GSE1: variants seen among roughly 807,000 people sequenced by gnomAD.
The protein encoded by GSE1 is Gse1 coiled-coil protein, also known as genetic suppressor element 1.
Under a neutral mutation model 112.6 loss-of-function variants are expected in GSE1, and 32 were observed. The ratio of observed to expected loss-of-function variants is 0.28; its 90% CI spans 0.21 to 0.38. The LOEUF (loss-of-function observed/expected upper bound fraction) is 0.38, where lower values mean the gene tolerates loss of function less well. GSE1 is among the 10% of genes least tolerant of loss of function. GSE1 has a pLI of 1.00. For missense variants in GSE1, 2,348 were observed against 1,699.2 expected (o/e 1.38, Z -6.71); for synonymous variants, 1,115 against 735.6 (o/e 1.52, Z -8.35).
At chr16:85,557,209 C>A (rs2045274127) in intron 1 of GSE1, among the ~76,000 whole-genome samples, 1 of 152,218 alleles carries the variant, frequency 6.6e-6, no homozygotes, top group Admixed American at 6.5e-5. Context: ...CGCGCGCCGT[C>A]ACCCCCACTC....
chr16:85,496,649 G>C (rs2051188301), intron 2 of GSE1, among the ~76,000 whole-genome samples: 1 of 152,230 alleles, frequency 6.6e-6, no homozygotes, highest in African/African-American at 2.4e-5. Context: ...GGACCATGCT[G>C]TCACGACATA....
chr16:85,503,123 G>A (rs1007117502), intron 2 of GSE1, among the ~76,000 whole-genome samples: 1 of 152,240 alleles, frequency 6.6e-6, no homozygotes, highest in African/African-American at 2.4e-5. Flanking sequence ...AAGGCCCTGA[G>A]GTCTGAGCTC....
intron 1 of GSE1, among the ~76,000 whole-genome samples, chr16:85,249,900 C>G (rs1325990069): frequency 1.3e-5 from 2 of 152,268 alleles, no homozygotes; most frequent in East Asian, 3.8e-4. Flanking sequence ...GCTGCAGAAG[C>G]TGGTGATGCG....
At chr16:85,172,822 G>T (rs1186134960) in intron 1 of GSE1, among the ~76,000 whole-genome samples, 1 of 152,222 alleles carries the variant, frequency 6.6e-6, no homozygotes, top group Non-Finnish European at 1.5e-5. Flanking sequence ...CCTCCCACCT[G>T]CACGTGTGGG....
chr16:85,607,660 C>T (rs1236094319), upstream of GSE1, among the ~76,000 whole-genome samples: 1 of 152,184 alleles, frequency 6.6e-6, no homozygotes, highest in Non-Finnish European at 1.5e-5. Flanking sequence ...GGGTGGGGCT[C>T]CCCCAGCATC....
chr16:85,245,943 G>C (rs114225690), intron 1 of GSE1, among the ~76,000 whole-genome samples: 1 of 150,756 alleles, frequency 6.6e-6, no homozygotes, highest in African/African-American at 2.4e-5. Context: ...GCGTGTGTTA[G>C]TTGGGGAGCA....
chr16:85,479,204 T>C lies in GSE1; in HGVS notation c.2464+121561T>C, dbSNP rs2050596371. Among the ~76,000 whole-genome samples, 5 of 138,990 alleles carry C rather than the reference T, an allele frequency of 3.6e-5. No homozygotes were observed. The South Asian group carries it at 1.1e-3, about 31-fold the overall frequency. The allele number at this position is 138,990 out of a possible 152,430, so 91.2% of individuals were successfully genotyped here. ...GCCCGGCTAATTTTTTTTTTTTTTT[T>C]TTTTTTTTTAGTAGAGACGGGGTTT... On this transcript the variant is annotated intron_variant, in intron 2 of 2. Transcript: ENST00000637419.
intron 1 of GSE1, among the ~76,000 whole-genome samples, chr16:85,303,361 C>T (rs1425284553): frequency 1.3e-5 from 2 of 152,224 alleles, no homozygotes; most frequent in African/African-American, 2.4e-5. Context: ...TGGGGAGTCC[C>T]GACCCAGATG....
upstream of GSE1, among the ~76,000 whole-genome samples, chr16:85,552,526 G>C (rs566010537): frequency 8.9e-4 from 121 of 136,038 alleles, 3 homozygotes; most frequent in African/African-American, 2.9e-3. Flanking sequence ...TAGAGACAGA[G>C]TTTCACCGTG....
intron 2 of GSE1, among the ~76,000 whole-genome samples, chr16:85,482,563 C>T (rs879795823): frequency 1.3e-5 from 2 of 152,144 alleles, no homozygotes; most frequent in Admixed American, 1.3e-4. Flanking sequence ...TGAGAACCGA[C>T]GTGAGTGACG....
At position 85,300,590 on chromosome 16, in the gene GSE1, G is replaced by C. The variant is rs1414616416; in HGVS notation, c.2284-56873G>C. On this transcript the variant is annotated intron_variant, in intron 1 of 2. Coordinates refer to the GSE1 transcript ENST00000637419. ...TGCTTTCACTCAGCAGCGTCGTCAG[G>C]GTCTACTGCGTTGCAGGGGGTGTCA... Among the ~76,000 whole-genome samples the C allele has an allele frequency of 2.0e-5, 3 of 152,202 alleles. No individual in the cohort carries two copies. The East Asian group carries it at 5.8e-4, about 29-fold the overall frequency.
rs1440195324 is a variant in GSE1 at position 85,311,623 on chromosome 16, G to A, written c.2284-45840G>A. On this transcript the variant is annotated intron_variant, in intron 1 of 2. Transcript: ENST00000637419. This position sits in a 1 kb window ranked among gnomAD's most constrained non-coding sequence, Gnocchi z 4.2. ...GGCTTCTGCTTCGGTGCCCCTGGGGGTCCTTCTCCAGGGCCCCTTGGGCTG... is the reference window on the plus strand; with the variant it reads ...GGCTTCTGCTTCGGTGCCCCTGGGGATCCTTCTCCAGGGCCCCTTGGGCTG... Among the ~76,000 whole-genome samples the A allele has an allele frequency of 3.3e-5, 5 of 152,118 alleles. No individual in the cohort carries two copies. Among genetic ancestry groups the A allele is most frequent in the African/African-American group, 1.2e-4 (5 of 41,434 alleles).
At chr16:85,286,860 C>T (rs191492829) in intron 1 of GSE1, among the ~76,000 whole-genome samples, 160 of 152,290 alleles carry the variant, frequency 1.1e-3, no homozygotes, top group African/African-American at 3.7e-3. Context: ...AGTGAGAAAA[C>T]GCAGTTTTTT....
chr16:85,493,337 T>G (rs1393080522), intron 2 of GSE1, among the ~76,000 whole-genome samples: 36 of 152,024 alleles, frequency 2.4e-4, no homozygotes, highest in Non-Finnish European at 4.4e-5. Flanking sequence ...AGTCTTCTAC[T>G]TGGGAGGCCA....
intron 1 of GSE1, among the ~76,000 whole-genome samples, chr16:85,633,126 G>A (rs1166887345): frequency 1.3e-5 from 2 of 152,248 alleles, no homozygotes; most frequent in Admixed American, 1.3e-4. Flanking sequence ...GCTGCACCGC[G>A]GTTTGGATTT....
At chr16:85,275,972 T>G (rs1172505769) in intron 1 of GSE1, among the ~76,000 whole-genome samples, 2 of 152,258 alleles carry the variant, frequency 1.3e-5, no homozygotes, top group Non-Finnish European at 2.9e-5. Flanking sequence ...GCTTTCTATG[T>G]CCTTGGCCTC....
intron 2 of GSE1, among the ~76,000 whole-genome samples, chr16:85,379,850 A>G (rs1478623203): frequency 6.6e-6 from 1 of 152,198 alleles, no homozygotes; most frequent in Non-Finnish European, 1.5e-5. Flanking sequence ...CCCTGGCCTA[A>G]GGTCACCAAA....
At chr16:85,508,544 C>T (rs1311535764) in intron 2 of GSE1, among the ~76,000 whole-genome samples, 1 of 152,168 alleles carries the variant, frequency 6.6e-6, no homozygotes, top group African/African-American at 2.4e-5. Flanking sequence ...GGTTGAGCTT[C>T]AGCCTGGGCC....
At chr16:85,560,976 G>C (rs1379632468) in intron 1 of GSE1, among the ~76,000 whole-genome samples, 1 of 151,956 alleles carries the variant, frequency 6.6e-6, no homozygotes, top group Non-Finnish European at 1.5e-5. Flanking sequence ...AAAAAATGCA[G>C]AAACAATTAG....
Sources: gnomAD v4.1 joint callset for allele counts (sites outside exome capture counted in the v4.1 genomes callset) on GRCh38, gnomAD v4.1.1 for gene constraint, Gnocchi (gnomAD v3.1) non-coding constraint, MANE v1.5 for transcripts, NCBI Gene and HGNC (gene_info 2026-07-23, HGNC 2026-07-21) for gene names.